The following EHBP1L1 variants were observed in gnomAD, a reference collection of about 807,000 sequenced individuals.
EHBP1L1 encodes the protein EH domain binding protein 1 like 1, also known as EH domain-binding protein 1-like protein 1.
EHBP1L1 carries 122 observed loss-of-function variants against 151.1 expected under a neutral mutation model. The observed-to-expected ratio is 0.81, with a 90% CI of 0.70 to 0.94. The LOEUF is 0.94. EHBP1L1 is among the 40% of genes least tolerant of loss of function. The probability of loss-of-function intolerance (pLI) is 0.00; values close to 1 mark genes in which losing one functional copy is unlikely to be tolerated. For synonymous variants in EHBP1L1, 878 were observed against 810.1 expected, an observed-to-expected ratio of 1.08 and a Z score of -1.42; for missense variants, 1,941 against 1,959.8, an observed-to-expected ratio of 0.99 and a Z score of 0.18.
At chr11:65,579,496 C>T (rs538328800) in intron 3 of EHBP1L1, 60 bp downstream of exon 3, 156 of 1,310,842 alleles carry the variant, frequency 1.2e-4, no homozygotes, top group Middle Eastern at 1.9e-4. Flanking sequence ...GCAACAATTG[C>T]AACACAGGTC....
In EHBP1L1 at chr11:65,579,924, C is replaced by A; in HGVS notation, c.259-12C>A. 6.2e-7 allele frequency: 1 copy of A among 1,613,688 alleles called. No homozygotes were observed. Among genetic ancestry groups the A allele is most frequent in the Non-Finnish European group, 8.5e-7 (1 of 1,179,824 alleles). ...CCAACAGTCCTGTACTCACCAGCAC[C>A]CTTCTTCCCAGGACCCCCACGTGGA... is the stretch of plus-strand genomic sequence containing the variant. On this transcript the variant is annotated splice_polypyrimidine_tract_variant and intron_variant, in intron 3 of 18. Coordinates refer to ENST00000309295, the MANE Select transcript of EHBP1L1 (RefSeq NM_001099409.3).
At position 65,583,780 on chromosome 11, in the gene EHBP1L1, C is replaced by T. The variant is rs1467816104; in HGVS notation, c.3093+15C>T. 8 of 1,461,436 alleles carry T rather than the reference C, an allele frequency of 5.5e-6. No individual in the cohort carries two copies. The highest frequency in any genetic ancestry group is 4.9e-5 in the East Asian group (2 of 40,480). 90.5% of individuals were successfully genotyped at this position (1,461,436 alleles called of 1,614,324 possible). On this transcript the variant is annotated intron_variant, in intron 9 of 18. Transcript: ENST00000309295. ...CGGGCAGCCAGGTAGGGATGGGGGCCGCCGAGGGCCCAGTCTGCTGCTTCC... is the reference window on the plus strand; with the variant it reads ...CGGGCAGCCAGGTAGGGATGGGGGCTGCCGAGGGCCCAGTCTGCTGCTTCC...
intron 12 of EHBP1L1, among the ~76,000 whole-genome samples, chr11:65,586,760 C>T (rs532060780): frequency 1.4e-4 from 21 of 152,324 alleles, no homozygotes; most frequent in African/African-American, 4.3e-4. Flanking sequence ...AGATGTGATA[C>T]GCAGGAGTCA....
chr11:65,579,032 A>G, intron 1 of EHBP1L1, 46 bp from the exon 2 acceptor site: 3 of 1,542,460 alleles, frequency 1.9e-6, no homozygotes, highest in Non-Finnish European at 1.8e-6. Flanking sequence ...GGTGAGCCTG[A>G]CCAAGCAGCC....
intron 3 of EHBP1L1, 88 bp from the exon 4 acceptor site, chr11:65,579,848 A>G (rs1047995236): frequency 5.9e-5 from 76 of 1,294,338 alleles, no homozygotes; most frequent in Admixed American, 8.8e-5. Flanking sequence ...AAAAGCCACC[A>G]CTACCAAGCA....
Position 65,585,614 on chromosome 11 carries a change from C to A in EHBP1L1, c.3933+23C>A, listed in dbSNP as rs1411984451. ...GCAGTGAGTGTCAAGGTCCTTCTTT[C>A]TTCCCCCGCCGCAGCGCGGGGTCCC... On this transcript the variant is annotated intron_variant, in intron 12 of 18. Coordinates refer to ENST00000309295, the MANE Select transcript of EHBP1L1 (RefSeq NM_001099409.3). The surrounding 1 kb of genome is among the most constrained non-coding windows in gnomAD (Gnocchi z 4.0). 1 of 1,545,808 alleles carries A rather than the reference C, an allele frequency of 6.5e-7. No individual in the cohort carries two copies. Among genetic ancestry groups the A allele is most frequent in the Admixed American group, 1.9e-5 (1 of 52,640 alleles).
chr11:65,584,836 C>A (rs892751180), intron 11 of EHBP1L1, 123 bp from the exon 12 acceptor site: 1 of 1,290,450 alleles, frequency 7.7e-7, no homozygotes, highest in Non-Finnish European at 1.1e-6. Flanking sequence ...TAGGAGGGGG[C>A]GGTGTTGCTA....
At chr11:65,584,869 C>T in intron 11 of EHBP1L1, 90 bp from the exon 12 acceptor site, 3 of 1,477,184 alleles carry the variant, frequency 2.0e-6, no homozygotes, top group Non-Finnish European at 2.7e-6. Flanking sequence ...GGTGCCAATC[C>T]CGGGGACCCC....
chr11:65,584,969 G>T lies in EHBP1L1; in HGVS notation c.3311G>T (p.Gly1104Val), dbSNP rs1248038465. The T allele has an allele frequency of 3.3e-6, 5 of 1,533,296 alleles. No individual in the cohort carries two copies. Among genetic ancestry groups the T allele is most frequent in the African/African-American group, 1.4e-5 (1 of 72,846 alleles). 95.0% of individuals were successfully genotyped at this position (1,533,296 alleles called of 1,614,324 possible). ...GCACCCTTCCCCTAGGCCTTCGATGGCTTCGCGGCTCTGGGCGTGTCGCGG... is the reference window on the plus strand; with the variant it reads ...GCACCCTTCCCCTAGGCCTTCGATGTCTTCGCGGCTCTGGGCGTGTCGCGG... Reference protein sequence around the residue: ...IKQNNKQAFDGFAALGVSRLL... With the variant: ...IKQNNKQAFDVFAALGVSRLL... The change falls in exon 12 of 19, where the codon GGC (glycine) becomes GTC (valine). Residue 1104 changes from glycine (G) to valine (V), a missense_variant. By Grantham distance (109) the Gly-to-Val change is moderately radical. Coordinates refer to ENST00000309295, the MANE Select transcript of EHBP1L1 (RefSeq NM_001099409.3).
At position 65,585,321 on chromosome 11, in the gene EHBP1L1, C is replaced by A; in HGVS notation, c.3663C>A (p.Gly1221=). The change falls in exon 12 of 19, where the codon GGC becomes GGA. Residue 1221 remains glycine (G), a synonymous_variant. Coordinates refer to ENST00000309295, the MANE Select transcript of EHBP1L1 (RefSeq NM_001099409.3). The surrounding 1 kb of genome is among the most constrained non-coding windows in gnomAD (Gnocchi z 4.0). ...TCGCGGGCCGCGCCTCCAAGGACGG[C>A]GGGGCCGAGGCCCCCCGAGAGTCGC... ...NAVAGRASKD[G]GAEAPRESRP... The A allele has an allele frequency of 9.2e-7, 1 of 1,083,754 alleles. No individual in the cohort carries two copies. The highest frequency in any genetic ancestry group is 1.7e-5 in the African/African-American group (1 of 58,330). 67.1% of individuals were successfully genotyped at this position (1,083,754 alleles called of 1,614,324 possible).
chr11:65,585,620 C>A lies in EHBP1L1; in HGVS notation c.3933+29C>A. 1 of 1,547,306 alleles carries A rather than the reference C, an allele frequency of 6.5e-7. No individual in the cohort carries two copies. Among genetic ancestry groups the A allele is most frequent in the Non-Finnish European group, 8.7e-7 (1 of 1,153,396 alleles). Reference sequence around the variant, plus strand: ...AGTGTCAAGGTCCTTCTTTCTTCCCCCGCCGCAGCGCGGGGTCCCGGGAAG... The same window carrying A: ...AGTGTCAAGGTCCTTCTTTCTTCCCACGCCGCAGCGCGGGGTCCCGGGAAG... On this transcript the variant is annotated intron_variant, in intron 12 of 18. Coordinates refer to ENST00000309295, the MANE Select transcript of EHBP1L1 (RefSeq NM_001099409.3). This position sits in a 1 kb window ranked among gnomAD's most constrained non-coding sequence, Gnocchi z 4.0.
intron 9 of EHBP1L1, 110 bp from the exon 10 acceptor site, chr11:65,584,131 C>T (rs577747859): frequency 4.6e-6 from 7 of 1,510,874 alleles, no homozygotes; most frequent in East Asian, 4.6e-5. Flanking sequence ...CTCTGGTGAC[C>T]CCTGCAAGCT....
chr11:65,585,388 GGGGCACC>G lies in EHBP1L1; in HGVS notation c.3735_3741del (p.Pro1246AlafsTer4). 7.7e-7 allele frequency: 1 copy of G among 1,301,762 alleles called. No homozygotes were observed. The highest frequency in any genetic ancestry group is 9.7e-7 in the Non-Finnish European group (1 of 1,028,734). 80.6% of individuals were successfully genotyped at this position (1,301,762 alleles called of 1,614,324 possible). ...GGCCGAGGGGCTGGTGAACGGGGCG[GGGGCACC>G]GGGCGGCGGCGGCGTGAGGCTGCGA... On this transcript the variant is annotated frameshift_variant, in exon 12 of 19. Transcript: ENST00000309295. LOFTEE classifies it high-confidence loss of function. This position sits in a 1 kb window ranked among gnomAD's most constrained non-coding sequence, Gnocchi z 4.0.
At chr11:65,579,907 C>G (rs1442447072) in intron 3 of EHBP1L1, 29 bp from the exon 4 acceptor site, 1 of 1,613,146 alleles carries the variant, frequency 6.2e-7, no homozygotes, top group Admixed American at 1.7e-5. Context: ...CCCCAACAGT[C>G]CTGTACTCAC....
chr11:65,591,007 G>A (rs1240442733), intron 16 of EHBP1L1, among the ~76,000 whole-genome samples: 1 of 151,254 alleles, frequency 6.6e-6, no homozygotes, highest in Non-Finnish European at 1.5e-5. Context: ...CTCTAGTCTG[G>A]GCAAAAGAGT....
In EHBP1L1 at chr11:65,584,228, C is replaced by T. The variant is rs753560291; in HGVS notation, c.3094-13C>T. On this transcript the variant is annotated splice_polypyrimidine_tract_variant and intron_variant, in intron 9 of 18. Transcript: ENST00000309295. ...CATTTATACATTCCCTAAGCCCACCCCTGTGTCCTCAGGCACCACCTGCCC... is the reference window on the plus strand; with the variant it reads ...CATTTATACATTCCCTAAGCCCACCTCTGTGTCCTCAGGCACCACCTGCCC... The T allele has an allele frequency of 1.2e-6, 2 of 1,605,302 alleles. No individual in the cohort carries two copies. The highest frequency in any genetic ancestry group is 1.8e-5 in the Admixed American group (1 of 56,898).
At chr11:65,586,525 AG>A (rs1857973622) in intron 12 of EHBP1L1, among the ~76,000 whole-genome samples, 1 of 152,256 alleles carries the variant, frequency 6.6e-6, no homozygotes. Context: ...GGTTTTTCCC[AG>A]GTGAAAAATG....
chr11:65,584,688 C>T, intron 11 of EHBP1L1, 154 bp downstream of exon 11: 1 of 1,163,608 alleles, frequency 8.6e-7, no homozygotes, highest in Non-Finnish European at 1.2e-6. Flanking sequence ...TGTTTGTTTT[C>T]CTTATTTTCG....
chr11:65,579,175 G>T (rs1857467834), intron 2 of EHBP1L1, 40 bp downstream of exon 2: 3 of 1,566,210 alleles, frequency 1.9e-6, no homozygotes, highest in Non-Finnish European at 2.6e-6. Context: ...GTTAGGGATG[G>T]GGGCCGGTGG....
Sources: allele counts gnomAD v4.1 joint callset (sites outside exome capture counted in the v4.1 genomes callset), GRCh38; gene constraint gnomAD v4.1.1; non-coding constraint Gnocchi (gnomAD v3.1); transcripts MANE v1.5; gene names NCBI Gene and HGNC (gene_info 2026-07-23, HGNC 2026-07-21).